SHISA9: variants seen among roughly 807,000 people sequenced by gnomAD.
SHISA9 encodes the protein shisa family member 9, also known as protein shisa-9.
Under a neutral mutation model 38.0 loss-of-function variants are expected in SHISA9, and 13 were observed. The observed-to-expected ratio is 0.34, with a 90% confidence interval of 0.22 to 0.54. The LOEUF (loss-of-function observed/expected upper bound fraction) is 0.54, where lower values mean the gene tolerates loss of function less well. Among genes scored for constraint, SHISA9 ranks in the 20% least tolerant of loss-of-function variants. The pLI, the probability that SHISA9 is intolerant of heterozygous loss-of-function variation, is 0.91. For missense variants in SHISA9, 538 were observed against 575.8 expected (o/e 0.93, Z 0.67); for synonymous variants, 275 against 242.0 (o/e 1.14, Z -1.27).
chr16:13,275,357 A>T, the SHISA9 span, among the ~76,000 whole-genome samples: 1 of 152,088 alleles, frequency 6.6e-6, no homozygotes, highest in African/African-American at 2.4e-5. Context: ...TTATTGTTTT[A>T]GTAATTAAGT....
At chr16:12,996,803 T>G (rs2072462647) in intron 2 of SHISA9, among the ~76,000 whole-genome samples, 1 of 152,162 alleles carries the variant, frequency 6.6e-6, no homozygotes, top group Admixed American at 6.5e-5. Flanking sequence ...TATTTTGGAA[T>G]GGTGAATAAT....
the SHISA9 span, among the ~76,000 whole-genome samples, chr16:13,527,453 CAG>C: frequency 6.6e-6 from 1 of 152,096 alleles, no homozygotes; most frequent in African/African-American, 2.4e-5. Flanking sequence ...TTGAGAGGGG[CAG>C]AGAGAGAAAA....
intron 2 of SHISA9, among the ~76,000 whole-genome samples, chr16:13,019,877 TC>T (rs1567184029): frequency 0.019 from 640 of 33,402 alleles, 62 homozygotes; most frequent in East Asian, 0.028. Flanking sequence ...CCTCCCTCCC[TC>T]CCTCCCTTCT....
At chr16:13,022,784 A>G (rs2072873916) in intron 2 of SHISA9, among the ~76,000 whole-genome samples, 1 of 151,600 alleles carries the variant, frequency 6.6e-6, no homozygotes. Flanking sequence ...TCATTTTTCA[A>G]AGAGACAGGG....
At chr16:13,341,890 G>A in the SHISA9 span, among the ~76,000 whole-genome samples, 1 of 152,118 alleles carries the variant, frequency 6.6e-6, no homozygotes, top group East Asian at 1.9e-4. Flanking sequence ...ATTTATCTCT[G>A]TTCCAATCCT....
chr16:13,554,833 T>C, the SHISA9 span, among the ~76,000 whole-genome samples: 59 of 152,306 alleles, frequency 3.9e-4, no homozygotes, highest in African/African-American at 1.3e-3. Flanking sequence ...TACAAAGGAC[T>C]CCTGCAAGCT....
intron 2 of SHISA9, among the ~76,000 whole-genome samples, chr16:12,986,619 C>G (rs958054308): frequency 6.6e-6 from 1 of 152,132 alleles, no homozygotes; most frequent in African/African-American, 2.4e-5. Context: ...AGATCCCACC[C>G]TCTGCAGAGT....
the SHISA9 span, among the ~76,000 whole-genome samples, chr16:13,490,298 C>T: frequency 6.6e-6 from 1 of 152,172 alleles, no homozygotes; most frequent in Non-Finnish European, 1.5e-5. Flanking sequence ...CACAGTGACG[C>T]ACACCTGTAA....
At chr16:13,109,741 C>T (rs1386206876) in intron 2 of SHISA9, among the ~76,000 whole-genome samples, 1 of 152,160 alleles carries the variant, frequency 6.6e-6, no homozygotes, top group African/African-American at 2.4e-5. Flanking sequence ...CTTTTCTGGA[C>T]ATTACATGTG....
the SHISA9 span, among the ~76,000 whole-genome samples, chr16:13,517,776 T>C: frequency 6.6e-6 from 1 of 152,180 alleles, no homozygotes; most frequent in Admixed American, 6.5e-5. Flanking sequence ...AAGTTCTTCA[T>C]GGAGACATCC....
chr16:13,331,556 G>T, the SHISA9 span: 1 of 152,114 alleles, frequency 6.6e-6, no homozygotes, highest in African/African-American at 2.4e-5. Flanking sequence ...TCCATAGAGT[G>T]TGTTAATTTT....
chr16:13,434,543 G>A, the SHISA9 span, among the ~76,000 whole-genome samples: 3,333 of 150,896 alleles, frequency 0.022, 131 homozygotes, highest in African/African-American at 0.076. Flanking sequence ...TCAGCCTCCC[G>A]AGTAGCTGGG....
At chr16:13,075,792 G>A (rs149165810) in intron 2 of SHISA9, among the ~76,000 whole-genome samples, 1 of 152,170 alleles carries the variant, frequency 6.6e-6, no homozygotes, top group Non-Finnish European at 1.5e-5. Flanking sequence ...CAGCTGGTAA[G>A]ACAGAAGCAG....
At chr16:13,432,943 T>G in the SHISA9 span, among the ~76,000 whole-genome samples, 11 of 152,018 alleles carry the variant, frequency 7.2e-5, no homozygotes, top group African/African-American at 2.7e-4. Context: ...AGGGAGAGGA[T>G]CAGGAAAAAT....
chr16:13,094,331 A>G lies in SHISA9; in HGVS notation c.692-109063A>G, dbSNP rs1027652962. On this transcript the variant is annotated intron_variant, in intron 2 of 4. Coordinates refer to ENST00000558583, the MANE Select transcript of SHISA9 (RefSeq NM_001145204.3). ...ATAGGCCATTAGACAAAAGTAAGCT[A>G]AGAGCCAATGTATTGCTAAATATAC... Among the ~76,000 whole-genome samples the G allele has an allele frequency of 5.3e-5, 8 of 152,304 alleles. No individual in the cohort carries two copies. The South Asian group carries it at 1.7e-3, about 32-fold the overall frequency.
At chr16:13,292,241 C>T in the SHISA9 span, among the ~76,000 whole-genome samples, 5 of 151,502 alleles carry the variant, frequency 3.3e-5, no homozygotes, top group East Asian at 2.0e-4. Context: ...ATTCAAACTA[C>T]GTGTGTGCTT....
chr16:13,431,538 A>G, the SHISA9 span, among the ~76,000 whole-genome samples: 1 of 152,230 alleles, frequency 6.6e-6, no homozygotes, highest in Admixed American at 6.5e-5. Context: ...GGAAAAACAA[A>G]CAAACATTTG....
At chr16:13,151,440 A>T (rs1426356694) in intron 2 of SHISA9, among the ~76,000 whole-genome samples, 9 of 152,128 alleles carry the variant, frequency 5.9e-5, no homozygotes, top group African/African-American at 2.2e-4. Flanking sequence ...ACCTCTCTCA[A>T]TGTGGCTGAA....
the SHISA9 span, among the ~76,000 whole-genome samples, chr16:13,433,458 A>T: frequency 6.6e-6 from 1 of 152,224 alleles, no homozygotes; most frequent in South Asian, 2.1e-4. Context: ...TATGTGCATG[A>T]GATACATCAC....
Sources: gnomAD v4.1 joint callset for allele counts (sites outside exome capture counted in the v4.1 genomes callset) on GRCh38, gnomAD v4.1.1 for gene constraint, MANE v1.5 for transcripts, NCBI Gene and HGNC (gene_info 2026-07-23, HGNC 2026-07-21) for gene names.